Variants in CCDC102B observed in about 807,000 individuals in gnomAD.
CCDC102B encodes coiled-coil domain containing 102B.
Under a neutral mutation model 57.4 loss-of-function variants are expected in CCDC102B, and 75 were observed. That is an observed-to-expected ratio of 1.31 (90% CI 1.08 to 1.58). The LOEUF is 1.58. CCDC102B is among the 40% of genes most tolerant of loss of function. CCDC102B has a pLI of 0.00. For synonymous variants in CCDC102B, 206 were observed against 201.9 expected, an observed-to-expected ratio of 1.02 and a Z score of -0.17; for missense variants, 636 against 582.6, an observed-to-expected ratio of 1.09 and a Z score of -0.94.
intron 4 of CCDC102B, chr18:68,858,804 C>T (rs190897408): frequency 6.6e-6 from 1 of 152,014 alleles, no homozygotes; most frequent in Non-Finnish European, 1.5e-5. Context: ...AAGGAGATGG[C>T]TTTCAGATCT....
In CCDC102B at chr18:69,013,248, A is replaced by AT. The variant is rs60658028; in HGVS notation, c.1434+2155dup. 3.1e-3 allele frequency among the ~76,000 whole-genome samples: 466 copies of AT among 148,238 alleles called. 6 individuals are homozygous for AT. The East Asian group carries it at 0.045, about 14-fold the overall frequency. ...AACAACATAGATGAAGCTGGAGGCC[A>AT]TTTTTTTTTTTAACAGAAAGCACTC... On this transcript the variant is annotated intron_variant, in intron 7 of 7. Transcript: ENST00000360242.
At chr18:69,045,813 T>G (rs985504254) in intron 7 of CCDC102B, among the ~76,000 whole-genome samples, 3 of 152,152 alleles carry the variant, frequency 2.0e-5, no homozygotes, top group Non-Finnish European at 2.9e-5. Flanking sequence ...TGTGTCCATG[T>G]GCTCTTGTTG....
At chr18:68,800,183 C>T (rs1051604576) in intron 1 of CCDC102B, among the ~76,000 whole-genome samples, 3 of 152,124 alleles carry the variant, frequency 2.0e-5, no homozygotes, top group Non-Finnish European at 2.9e-5. Flanking sequence ...CTTAAAGCCA[C>T]AGATAAAGAA....
chr18:68,947,482 G>A (rs1350312375), intron 6 of CCDC102B, among the ~76,000 whole-genome samples: 1 of 151,978 alleles, frequency 6.6e-6, no homozygotes, highest in African/African-American at 2.4e-5. Flanking sequence ...GAGAGAGATG[G>A]CTATATTTCT....
chr18:68,832,586 GA>G (rs1458970836), intron 1 of CCDC102B, among the ~76,000 whole-genome samples: 3 of 152,070 alleles, frequency 2.0e-5, no homozygotes, highest in African/African-American at 7.2e-5. Flanking sequence ...AGGTGGAAAA[GA>G]GGGATGAGGA....
At position 68,898,685 on chromosome 18, in the gene CCDC102B, G is replaced by A. The variant is rs535535601; in HGVS notation, c.1263+1257G>A. Among the ~76,000 whole-genome samples, 18 of 152,154 alleles carry A rather than the reference G, an allele frequency of 1.2e-4. No individual in the cohort carries two copies. The South Asian group carries it at 1.9e-3, about 16-fold the overall frequency. ...TGTGTCAGTCACTGTTCTATATGCA[G>A]GTAATGAGAATATTAATCAATGAAT... is the stretch of plus-strand genomic sequence containing the variant. On this transcript the variant is annotated intron_variant, in intron 6 of 7. Transcript: ENST00000360242.
chr18:68,769,368 T>C (rs1427087852), intron 2 of CCDC102B, among the ~76,000 whole-genome samples: 1 of 152,056 alleles, frequency 6.6e-6, no homozygotes, highest in Non-Finnish European at 1.5e-5. Flanking sequence ...ACCTACTTGA[T>C]CTCATCTAAC....
intron 6 of CCDC102B, among the ~76,000 whole-genome samples, chr18:68,947,346 A>G (rs1460171144): frequency 2.0e-5 from 3 of 152,122 alleles, no homozygotes; most frequent in East Asian, 3.9e-4. Context: ...TGAAATTTGA[A>G]GCTTATATTT....
At chr18:68,874,928 T>C (rs1197496495) in intron 5 of CCDC102B, 143 bp downstream of exon 5, 1 of 546,074 alleles carries the variant, frequency 1.8e-6, no homozygotes, top group African/African-American at 1.9e-5. Flanking sequence ...TCAGCTTATA[T>C]GTGATTTAAA....
At chr18:69,013,891 A>G (rs1308028931) in intron 7 of CCDC102B, among the ~76,000 whole-genome samples, 1 of 152,218 alleles carries the variant, frequency 6.6e-6, no homozygotes, top group Admixed American at 6.5e-5. Flanking sequence ...GATGTTTTTG[A>G]ACAATAAATG....
intron 2 of CCDC102B, among the ~76,000 whole-genome samples, chr18:68,790,176 A>AGTCT (rs1249786647): frequency 1.3e-4 from 20 of 151,180 alleles, no homozygotes; most frequent in African/African-American, 3.7e-4. Context: ...TTGAGGAGGC[A>AGTCT]GTCTGCCCAT....
intron 2 of CCDC102B, among the ~76,000 whole-genome samples, chr18:68,747,908 AG>A (rs1422126367): frequency 6.6e-6 from 1 of 152,134 alleles, no homozygotes; most frequent in Non-Finnish European, 1.5e-5. Flanking sequence ...ATTGTATAGT[AG>A]CTCTATTTTT....
intron 6 of CCDC102B, among the ~76,000 whole-genome samples, chr18:68,966,215 A>G (rs1400069939): frequency 6.6e-6 from 1 of 152,002 alleles, no homozygotes; most frequent in African/African-American, 2.4e-5. Flanking sequence ...GATTCTTTTC[A>G]TGACTATATT....
intron 2 of CCDC102B, among the ~76,000 whole-genome samples, chr18:68,748,602 A>T (rs1401650087): frequency 6.6e-6 from 1 of 152,076 alleles, no homozygotes; most frequent in African/African-American, 2.4e-5. Flanking sequence ...CATTACCCAA[A>T]TGCTTTGTAG....
intron 2 of CCDC102B, among the ~76,000 whole-genome samples, chr18:68,757,848 G>A (rs1313766382): frequency 6.6e-6 from 1 of 152,150 alleles, no homozygotes; most frequent in South Asian, 2.1e-4. Context: ...CAAAGTCAGT[G>A]CATGAGCAAA....
intron 6 of CCDC102B, among the ~76,000 whole-genome samples, chr18:69,006,769 A>G (rs1221359079): frequency 6.6e-6 from 1 of 152,074 alleles, no homozygotes; most frequent in African/African-American, 2.4e-5. Flanking sequence ...GAAGAAATCC[A>G]TTTCTTCCCC....
chr18:68,924,283 G>C (rs1171381014), intron 6 of CCDC102B, among the ~76,000 whole-genome samples: 1 of 152,034 alleles, frequency 6.6e-6, no homozygotes, highest in Non-Finnish European at 1.5e-5. Flanking sequence ...ACCAGGTGGA[G>C]GTAATTGAAT....
chr18:68,909,794 C>G (rs192147740), intron 6 of CCDC102B, among the ~76,000 whole-genome samples: 2 of 152,184 alleles, frequency 1.3e-5, no homozygotes, highest in East Asian at 3.9e-4. Flanking sequence ...GATCAGATCA[C>G]ATATAGGGAG....
chr18:68,998,997 TATAG>T (rs1307953461), intron 6 of CCDC102B, among the ~76,000 whole-genome samples: 144 of 30,534 alleles, frequency 4.7e-3, no homozygotes, highest in East Asian at 7.6e-3. Flanking sequence ...TATATATATA[TATAG>T]AGAGAGAGAG....
Sources: gnomAD v4.1 joint callset for allele counts (sites outside exome capture counted in the v4.1 genomes callset) on GRCh38, gnomAD v4.1.1 for gene constraint, MANE v1.5 for transcripts, NCBI Gene and HGNC (gene_info 2026-07-23, HGNC 2026-07-21) for gene names.